Variants in CLMN observed in about 807,000 individuals in gnomAD.
CLMN encodes calmin.
Under a neutral mutation model 92.7 loss-of-function variants are expected in CLMN, and 57 were observed. The observed-to-expected ratio is 0.61, with a 90% CI of 0.50 to 0.77. CLMN has a LOEUF of 0.77. Among genes scored for constraint, CLMN ranks in the 30% least tolerant of loss-of-function variants. The pLI is 0.00. For missense variants in CLMN, 1,158 were observed against 1,237.5 expected, an observed-to-expected ratio of 0.94 and a Z score of 0.96; for synonymous variants, 466 against 470.6, an observed-to-expected ratio of 0.99 and a Z score of 0.13.
intron 1 of CLMN, among the ~76,000 whole-genome samples, chr14:95,238,086 G>A (rs1286471692): frequency 6.6e-6 from 1 of 152,180 alleles, no homozygotes; most frequent in Non-Finnish European, 1.5e-5. Context: ...CACTGACGGT[G>A]TGTAGAGGAG....
chr14:95,260,440 TAA>T (rs375785616), intron 1 of CLMN: 10 of 137,036 alleles, frequency 7.3e-5, no homozygotes, highest in Admixed American at 1.5e-4. Context: ...AGACTCTGTC[TAA>T]AAAAAAAAAA....
At chr14:95,270,208 T>C in intron 1 of CLMN, among the ~76,000 whole-genome samples, 1 of 152,102 alleles carries the variant, frequency 6.6e-6, no homozygotes, top group East Asian at 1.9e-4. Flanking sequence ...TCCCCATCCA[T>C]CACCTCATTC....
At chr14:95,312,034 T>C (rs1901562831) in intron 1 of CLMN, among the ~76,000 whole-genome samples, 1 of 151,994 alleles carries the variant, frequency 6.6e-6, no homozygotes, top group African/African-American at 2.4e-5. Flanking sequence ...CTGTACACTC[T>C]CAGCTCAGGC....
At chr14:95,263,802 C>T (rs1899355996) in intron 1 of CLMN, among the ~76,000 whole-genome samples, 1 of 152,088 alleles carries the variant, frequency 6.6e-6, no homozygotes, top group African/African-American at 2.4e-5. Flanking sequence ...GCAGTGCCCA[C>T]CTTGGGGGGT....
chr14:95,261,401 G>T (rs975245069), intron 1 of CLMN, among the ~76,000 whole-genome samples: 5 of 152,194 alleles, frequency 3.3e-5, no homozygotes, highest in African/African-American at 1.2e-4. Flanking sequence ...TCAGAGAGTG[G>T]GTGAATTCCC....
chr14:95,212,786 C>CTT (rs143791120), intron 6 of CLMN, among the ~76,000 whole-genome samples: 6 of 137,234 alleles, frequency 4.4e-5, no homozygotes, highest in Non-Finnish European at 7.8e-5. Flanking sequence ...TTCTGACATT[C>CTT]TTTTTTTTTT....
intron 8 of CLMN, among the ~76,000 whole-genome samples, chr14:95,208,583 G>A (rs1329920250): frequency 2.6e-5 from 4 of 152,180 alleles, no homozygotes; most frequent in Admixed American, 1.3e-4. Context: ...ATAAGAAAGC[G>A]TCTTTCATAA....
Position 95,209,385 on chromosome 14 carries a change from G to A in CLMN, c.885+10C>T, listed in dbSNP as rs1224626086. 3 of 1,613,318 alleles carry A rather than the reference G, an allele frequency of 1.9e-6. No homozygotes were observed. The highest frequency in any genetic ancestry group is 2.5e-6 in the Non-Finnish European group (3 of 1,179,436). On this transcript the variant is annotated intron_variant, in intron 8 of 12. Transcript: ENST00000298912. Reference sequence around the variant, plus strand: ...GGTGTCGGAATTAAAGGTAAGAAAAGCAAACATACGGCTTCCAACTCCGGA... The same window carrying A: ...GGTGTCGGAATTAAAGGTAAGAAAAACAAACATACGGCTTCCAACTCCGGA...
intron 1 of CLMN, among the ~76,000 whole-genome samples, chr14:95,262,410 A>T (rs1378007635): frequency 6.6e-6 from 1 of 152,162 alleles, no homozygotes; most frequent in African/African-American, 2.4e-5. Flanking sequence ...CAACCAAAAG[A>T]TATCCACGTG....
intron 1 of CLMN, among the ~76,000 whole-genome samples, chr14:95,270,651 T>C (rs1899672581): frequency 6.7e-6 from 1 of 149,822 alleles, no homozygotes; most frequent in South Asian, 2.1e-4. Flanking sequence ...CCTTTCTTTT[T>C]ATTGCAGATT....
rs1896623140 is a variant in CLMN at position 95,193,894 on chromosome 14, C to T, written c.2795G>A (p.Arg932Lys). ...ESDHFSYVQL[R>K]NAADLDDRRN... ...TCTGTCATCCAGATCTGCTGCGTTCCTCAACTGAACATAGCTAAAATGATC... is the reference window on the plus strand; with the variant it reads ...TCTGTCATCCAGATCTGCTGCGTTCTTCAACTGAACATAGCTAAAATGATC... Residue 932 changes from arginine to lysine, a missense_variant, in exon 12 of 13, where the codon AGG becomes AAG. Arg to Lys is a conservative substitution (Grantham distance 26). Coordinates refer to ENST00000298912, the MANE Select transcript of CLMN (RefSeq NM_024734.4). 6.2e-7 allele frequency: 1 copy of T among 1,614,130 alleles called. No homozygotes were observed. The highest frequency in any genetic ancestry group is 8.5e-7 in the Non-Finnish European group (1 of 1,180,020).
chr14:95,273,909 C>T (rs987922402), intron 1 of CLMN, among the ~76,000 whole-genome samples: 18 of 152,122 alleles, frequency 1.2e-4, no homozygotes, highest in Non-Finnish European at 8.8e-5. Flanking sequence ...AGACCTACGA[C>T]ACGCTCCTCC....
intron 1 of CLMN, among the ~76,000 whole-genome samples, chr14:95,283,441 C>A (rs974691809): frequency 6.6e-6 from 1 of 152,070 alleles, no homozygotes; most frequent in African/African-American, 2.4e-5. Context: ...GAAAAGATAC[C>A]CAAAAACGTG....
At chr14:95,216,497 A>G (rs8017884) in intron 4 of CLMN, among the ~76,000 whole-genome samples, 76,629 of 152,052 alleles carry the variant, frequency 0.5, 19,876 homozygotes, top group African/African-American at 0.6. Flanking sequence ...ATTCTTTTCC[A>G]AGAGAGATGG....
chr14:95,245,696 A>G (rs151292088), intron 1 of CLMN, among the ~76,000 whole-genome samples: 22,784 of 128,696 alleles, frequency 0.18, 2,268 homozygotes, highest in African/African-American at 0.34. Flanking sequence ...GGGTGGGTGG[A>G]TGGATGGATG....
chr14:95,192,611 A>C (rs559213654), intron 12 of CLMN: 5 of 152,280 alleles, frequency 3.3e-5, no homozygotes, highest in Admixed American at 6.5e-5. Flanking sequence ...CTACATACTG[A>C]ATGATAAATA....
At chr14:95,215,552 G>T in intron 5 of CLMN, 89 bp downstream of exon 5, 3 of 1,084,038 alleles carry the variant, frequency 2.8e-6, no homozygotes, top group African/African-American at 1.6e-5. Context: ...AAGCCTCACT[G>T]CCTCCCTTAA....
chr14:95,260,440 TA>T (rs375785616), intron 1 of CLMN: 406 of 136,714 alleles, frequency 3.0e-3, no homozygotes, highest in Middle Eastern at 3.7e-3. Flanking sequence ...AGACTCTGTC[TA>T]AAAAAAAAAA....
chr14:95,237,927 A>C (rs986259663), intron 1 of CLMN, among the ~76,000 whole-genome samples: 2 of 152,134 alleles, frequency 1.3e-5, no homozygotes, highest in Non-Finnish European at 2.9e-5. Context: ...TCCTTGGCTC[A>C]CATCAGCCAC....
Sources: allele counts gnomAD v4.1 joint callset (sites outside exome capture counted in the v4.1 genomes callset), GRCh38; gene constraint gnomAD v4.1.1; transcripts MANE v1.5; gene names NCBI Gene and HGNC (gene_info 2026-07-23, HGNC 2026-07-21).